Variants in DYNC2I1 observed in about 807,000 individuals in gnomAD.
DYNC2I1 encodes cytoplasmic dynein 2 intermediate chain 1.
Under a neutral mutation model 133.4 loss-of-function variants are expected in DYNC2I1, and 89 were observed. That is an observed-to-expected ratio of 0.67 (90% CI 0.56 to 0.80). DYNC2I1 has a LOEUF of 0.80. Among genes scored for constraint, DYNC2I1 ranks in the 30% least tolerant of loss-of-function variants. The probability of loss-of-function intolerance (pLI) is 0.00; values close to 1 mark genes in which losing one functional copy is unlikely to be tolerated. For missense variants in DYNC2I1, 1,291 were observed against 1,314.5 expected (o/e 0.98, Z 0.28); for synonymous variants, 504 against 484.3 (o/e 1.04, Z -0.54).
At chr7:158,955,312 A>G (rs1376395563) in intron 4 of DYNC2I1, among the ~76,000 whole-genome samples, 1 of 152,180 alleles carries the variant, frequency 6.6e-6, no homozygotes, top group Non-Finnish European at 1.5e-5. Context: ...AAGGATCTGC[A>G]GGGATCGCAG....
At chr7:158,911,310 C>A in intron 11 of DYNC2I1, among the ~76,000 whole-genome samples, 1 of 152,172 alleles carries the variant, frequency 6.6e-6, no homozygotes, top group South Asian at 2.1e-4. Flanking sequence ...GTTCGTGACA[C>A]ACACACGAGG....
rs1049583294 is a variant in DYNC2I1 at position 158,864,019 on chromosome 7, C to T, written c.16-5836C>T. 7.0e-4 allele frequency among the ~76,000 whole-genome samples: 83 copies of T among 118,984 alleles called. 1 individual carries two copies. Among genetic ancestry groups the T allele is most frequent in the South Asian group, 3.0e-3 (10 of 3,314 alleles). 78.1% of individuals were successfully genotyped at this position (118,984 alleles called of 152,430 possible). On this transcript the variant is annotated intron_variant, in intron 1 of 24. Coordinates refer to ENST00000407559, the MANE Select transcript of DYNC2I1 (RefSeq NM_018051.5). Reference sequence around the variant, plus strand: ...GCTGCGGATGTGGGGGAGAGCGGGACGTCCTTAGCTCTGGGTGTGGCGGGG... The same window carrying T: ...GCTGCGGATGTGGGGGAGAGCGGGATGTCCTTAGCTCTGGGTGTGGCGGGG...
At chr7:158,923,423 C>T in intron 16 of DYNC2I1, 148 bp from the exon 17 acceptor site, 2 of 1,019,704 alleles carry the variant, frequency 2.0e-6, no homozygotes, top group Non-Finnish European at 2.9e-6. Flanking sequence ...TATTTCTGTG[C>T]AGGAGTCTAC....
intron 1 of DYNC2I1, among the ~76,000 whole-genome samples, chr7:158,865,057 G>A (rs1382919440): frequency 2.0e-5 from 3 of 152,192 alleles, no homozygotes; most frequent in African/African-American, 4.8e-5. Flanking sequence ...CTTACAGAGC[G>A]CGGAAGCCCT....
At chr7:158,958,232 C>G (rs182923096), downstream of DYNC2I1, among the ~76,000 whole-genome samples, 1 of 152,358 alleles carries the variant, frequency 6.6e-6, no homozygotes, top group African/African-American at 2.4e-5. Flanking sequence ...ATGAGGTGCA[C>G]CTTGATTCCA....
At chr7:158,853,799 A>G (rs1841107973), upstream of DYNC2I1, among the ~76,000 whole-genome samples, 1 of 151,924 alleles carries the variant, frequency 6.6e-6, no homozygotes, top group African/African-American at 2.4e-5. Flanking sequence ...GATTACAGGC[A>G]TGTACCACCA....
chr7:158,860,591 T>C (rs897925119), intron 1 of DYNC2I1, among the ~76,000 whole-genome samples: 5 of 152,214 alleles, frequency 3.3e-5, no homozygotes, highest in African/African-American at 1.2e-4. Flanking sequence ...CTTTCAAAAC[T>C]CTTTAATTTA....
In DYNC2I1 at chr7:158,856,600, C is replaced by G. The variant is rs1400531425; in HGVS notation, c.-136C>G. 5 of 937,434 alleles carry G rather than the reference C, an allele frequency of 5.3e-6. 1 individual carries two copies. The South Asian group carries it at 1.7e-4, about 31-fold the overall frequency. 58.1% of individuals were successfully genotyped at this position (937,434 alleles called of 1,614,324 possible). A position where few individuals can be genotyped will look rare whatever the true frequency, so the allele number is the denominator to read the frequency against. On this transcript the variant is annotated 5_prime_UTR_variant, in exon 1 of 25. Transcript: ENST00000407559. ...ACGCTGGGCAGTGCTTCTGGGCCCTCTGCTGCTCCTGCTTGTCGGTTGCTA... is the reference window on the plus strand; with the variant it reads ...ACGCTGGGCAGTGCTTCTGGGCCCTGTGCTGCTCCTGCTTGTCGGTTGCTA...
the DYNC2I1 span, among the ~76,000 whole-genome samples, chr7:158,839,541 T>C: frequency 6.6e-6 from 1 of 152,176 alleles, no homozygotes; most frequent in Non-Finnish European, 1.5e-5. Context: ...GGTCTCTGGC[T>C]GGGCACGGTG....
intron 1 of DYNC2I1, 46 bp downstream of exon 1, chr7:158,856,796 G>A: frequency 2.4e-6 from 3 of 1,231,872 alleles, no homozygotes; most frequent in Non-Finnish European, 3.0e-6. Flanking sequence ...GAGCTTCGCG[G>A]ACTCCTTCGG....
In DYNC2I1 at chr7:158,901,749, A is replaced by T. The variant is rs949032591; in HGVS notation, c.1070A>T (p.Lys357Met). 3.2e-6 allele frequency: 5 copies of T among 1,573,360 alleles called. No homozygotes were observed. The highest frequency in any genetic ancestry group is 4.3e-6 in the Non-Finnish European group (5 of 1,160,616). The change falls in exon 9 of 25, where the codon AAG becomes ATG. Residue 357 changes from lysine (K) to methionine (M), a missense_variant. By Grantham distance (95) the Lys-to-Met change is moderately conservative. Transcript: ENST00000407559. ...GATTTTTACCTCTAGGAAATTGAAA[A>T]GGAAGAAACTGATTTAGAAAATGCT... ...PGGEETVEIE[K>M]EETDLENARA... is the part of the protein sequence containing the mutation.
rs115353555 is a variant in DYNC2I1, at chr7:158,933,523, C to T, written c.2547-606C>T. 7.7e-3 allele frequency among the ~76,000 whole-genome samples: 1,165 copies of T among 152,266 alleles called. 18 individuals carry two copies. The highest frequency in any genetic ancestry group is 0.027 in the African/African-American group (1,106 of 41,540). Reference sequence around the variant, plus strand: ...GCAGTGATAGGGAAATTCAGAAAGCCGCACCACAGCCAAGGGAAGACAGAG... The same window carrying T: ...GCAGTGATAGGGAAATTCAGAAAGCTGCACCACAGCCAAGGGAAGACAGAG... On this transcript the variant is annotated intron_variant, in intron 21 of 24. Coordinates refer to ENST00000407559, the MANE Select transcript of DYNC2I1 (RefSeq NM_018051.5).
intron 23 of DYNC2I1, among the ~76,000 whole-genome samples, chr7:158,941,426 G>A (rs1851348834): frequency 6.6e-6 from 1 of 152,200 alleles, no homozygotes; most frequent in Non-Finnish European, 1.5e-5. Context: ...AAGAGAAAGT[G>A]TATCAGAGTC....
chr7:158,937,001 A>G (rs1242065983), intron 23 of DYNC2I1, among the ~76,000 whole-genome samples: 1 of 152,222 alleles, frequency 6.6e-6, no homozygotes, highest in Non-Finnish European at 1.5e-5. Flanking sequence ...CCCACAAGAA[A>G]CAGCAGCAAA....
chr7:158,859,665 G>C (rs537912051), intron 1 of DYNC2I1, among the ~76,000 whole-genome samples: 1 of 152,240 alleles, frequency 6.6e-6, no homozygotes, highest in African/African-American at 2.4e-5. Flanking sequence ...ATCACGCCCA[G>C]CTAATTTTTG....
intron 8 of DYNC2I1, among the ~76,000 whole-genome samples, chr7:158,901,279 C>T (rs1846229744): frequency 6.6e-6 from 1 of 152,060 alleles, no homozygotes; most frequent in African/African-American, 2.4e-5. Flanking sequence ...GCCATGTTGC[C>T]CACGCTGGTC....
intron 19 of DYNC2I1, 92 bp from the exon 20 acceptor site, chr7:158,926,900 T>C (rs148363410): frequency 7.9e-5 from 72 of 916,028 alleles, no homozygotes; most frequent in Middle Eastern, 3.2e-4. Flanking sequence ...AGTACCTAAA[T>C]AGCACTCCAT....
intron 8 of DYNC2I1, among the ~76,000 whole-genome samples, 178 bp from the exon 9 acceptor site, chr7:158,901,561 A>G (rs1007884518): frequency 6.6e-6 from 1 of 152,216 alleles, no homozygotes; most frequent in African/African-American, 2.4e-5. Flanking sequence ...TCCTACCTGT[A>G]AGTTAGCAAG....
intron 6 of DYNC2I1, among the ~76,000 whole-genome samples, chr7:158,886,420 C>T (rs1436870942): frequency 2.6e-5 from 4 of 152,088 alleles, no homozygotes; most frequent in African/African-American, 9.7e-5. Context: ...AGGTGTGAGC[C>T]ACTGCGCCCG....
Sources: allele counts gnomAD v4.1 joint callset (sites outside exome capture counted in the v4.1 genomes callset), GRCh38; gene constraint gnomAD v4.1.1; transcripts MANE v1.5; gene names NCBI Gene and HGNC (gene_info 2026-07-23, HGNC 2026-07-21).